JARID2: variants seen among roughly 807,000 people sequenced by gnomAD.
JARID2 encodes protein Jumonji.
In JARID2, 21 loss-of-function variants were observed where a neutral mutation model predicts 125.6. The observed-to-expected ratio is 0.17, with a 90% confidence interval of 0.12 to 0.24. JARID2 has a LOEUF of 0.24. Among genes scored for constraint, JARID2 ranks in the 10% least tolerant of loss-of-function variants. The pLI is 1.00. For synonymous variants in JARID2, 736 were observed against 661.6 expected (o/e 1.11, Z -1.73); for missense variants, 1,303 against 1,639.6 (o/e 0.79, Z 3.55).
At chr6:15,360,645 A>C (rs915727997) in intron 1 of JARID2, among the ~76,000 whole-genome samples, 3 of 151,980 alleles carry the variant, frequency 2.0e-5, no homozygotes, top group Non-Finnish European at 4.4e-5. Flanking sequence ...CGTCATGCCT[A>C]ATTTTAAGTT....
chr6:15,443,422 G>C (rs1767530565), intron 3 of JARID2, among the ~76,000 whole-genome samples: 1 of 152,130 alleles, frequency 6.6e-6, no homozygotes, highest in Admixed American at 6.5e-5. Flanking sequence ...GGGAGTAGGG[G>C]AGTGGATTTT....
chr6:15,485,572 A>G (rs1355200201), intron 5 of JARID2, among the ~76,000 whole-genome samples: 1 of 152,224 alleles, frequency 6.6e-6, no homozygotes, highest in African/African-American at 2.4e-5. Flanking sequence ...TGGGTGTGGT[A>G]ATTAGCTTGA....
intron 3 of JARID2, among the ~76,000 whole-genome samples, chr6:15,438,099 G>A (rs1393483459): frequency 6.6e-6 from 1 of 152,146 alleles, no homozygotes; most frequent in Non-Finnish European, 1.5e-5. Context: ...TTGTGGGGTG[G>A]TGGGATGGGG....
chr6:15,409,941 C>G (rs559021216), intron 2 of JARID2, among the ~76,000 whole-genome samples: 2 of 152,328 alleles, frequency 1.3e-5, no homozygotes, highest in East Asian at 3.9e-4. Context: ...TGTTTATGTA[C>G]TCTTTAAAAA....
intron 1 of JARID2, among the ~76,000 whole-genome samples, chr6:15,353,595 G>A (rs1007244987): frequency 6.6e-6 from 1 of 152,054 alleles, no homozygotes; most frequent in Non-Finnish European, 1.5e-5. Flanking sequence ...TAAGCTGCTG[G>A]CTCAGAAGTT....
Position 15,374,270 on chromosome 6 carries a change from A to C in JARID2, c.181+18A>C, listed in dbSNP as rs372654556. On this transcript the variant is annotated intron_variant, in intron 2 of 17. Transcript: ENST00000341776. ...TGTGAATGGTGAGTTGACTCTTGGA[A>C]TATCTCATTGGAATGTACAATATCT... 10 of 1,612,756 alleles carry C rather than the reference A, an allele frequency of 6.2e-6. No homozygotes were observed. The highest frequency in any genetic ancestry group is 1.3e-5 in the African/African-American group (1 of 74,880).
chr6:15,390,426 G>A (rs1764956046), intron 2 of JARID2, among the ~76,000 whole-genome samples: 2 of 152,274 alleles, frequency 1.3e-5, no homozygotes, highest in South Asian at 4.1e-4. Context: ...TCCACGTTGT[G>A]CAGCCCATGC....
chr6:15,289,891 C>G (rs1761142848), intron 1 of JARID2, among the ~76,000 whole-genome samples: 1 of 152,110 alleles, frequency 6.6e-6, no homozygotes, highest in South Asian at 2.1e-4. Flanking sequence ...ACAAGAAGCA[C>G]TGTGTATTGC....
intron 1 of JARID2, among the ~76,000 whole-genome samples, chr6:15,276,062 T>G (rs1760490104): frequency 6.6e-6 from 1 of 152,212 alleles, no homozygotes. Context: ...GAAGGGAAAT[T>G]GCTTTGCATT....
chr6:15,367,511 G>T (rs918938267), intron 1 of JARID2, among the ~76,000 whole-genome samples: 2 of 152,138 alleles, frequency 1.3e-5, no homozygotes, highest in Admixed American at 1.3e-4. Context: ...CTAGGAGTCA[G>T]TGTGAGTTAC....
chr6:15,359,842 A>G lies in JARID2; in HGVS notation c.46-14275A>G, dbSNP rs1021709476. On this transcript the variant is annotated intron_variant, in intron 1 of 17. Coordinates refer to ENST00000341776, the MANE Select transcript of JARID2 (RefSeq NM_004973.4). The stretch of plus-strand genomic sequence containing the variant: ...GCTGGGACCACAGGCACCCGCCACC[A>G]TGCCTTGCTAATTTTTGTGTTCTTA... Among the ~76,000 whole-genome samples the G allele has an allele frequency of 3.3e-5, 5 of 151,900 alleles. No homozygotes were observed. The East Asian group carries it at 7.7e-4, about 23-fold the overall frequency.
At chr6:15,387,257 A>G (rs934764550) in intron 2 of JARID2, among the ~76,000 whole-genome samples, 3 of 152,124 alleles carry the variant, frequency 2.0e-5, no homozygotes, top group Non-Finnish European at 4.4e-5. Context: ...CTGTGGTGGG[A>G]TAGGATTGCT....
intron 1 of JARID2, among the ~76,000 whole-genome samples, chr6:15,348,165 C>G (rs768062951): frequency 6.6e-6 from 1 of 150,928 alleles, no homozygotes; most frequent in Non-Finnish European, 1.5e-5. Flanking sequence ...GATCTCGGCT[C>G]ACTGCAATGT....
At chr6:15,302,379 C>T (rs138851117) in intron 1 of JARID2, among the ~76,000 whole-genome samples, 6,115 of 151,860 alleles carry the variant, frequency 0.04, 173 homozygotes, top group South Asian at 0.11. Context: ...TGCGCCACTG[C>T]ACTCCATCCT....
At chr6:15,432,135 GTACACTC>G (rs1169356715) in intron 3 of JARID2, among the ~76,000 whole-genome samples, 3 of 151,768 alleles carry the variant, frequency 2.0e-5, no homozygotes, top group Admixed American at 6.6e-5. Flanking sequence ...TGAAACGAAA[GTACACTC>G]TACAGGCCGG....
At chr6:15,332,875 C>G (rs145369678) in intron 1 of JARID2, among the ~76,000 whole-genome samples, 7 of 150,352 alleles carry the variant, frequency 4.7e-5, no homozygotes, top group East Asian at 3.9e-4. Flanking sequence ...AAAAGAATAA[C>G]AGCTTTATAG....
In JARID2 at chr6:15,386,831, T is replaced by G. The variant is rs544118112; in HGVS notation, c.181+12579T>G. ...CCAGAAGTGGCTTATGTAGGCACAG[T>G]GTTGGAATAAGAACCCTGCGATTGG... On this transcript the variant is annotated intron_variant, in intron 2 of 17. Transcript: ENST00000341776. Among the ~76,000 whole-genome samples, 41 of 152,358 alleles carry G rather than the reference T, an allele frequency of 2.7e-4. No homozygotes were observed. The South Asian group carries it at 5.6e-3, about 21-fold the overall frequency.
chr6:15,464,888 A>G (rs2237137), intron 4 of JARID2, among the ~76,000 whole-genome samples: 99,724 of 152,034 alleles, frequency 0.66, 32,932 homozygotes, highest in East Asian at 0.81. Flanking sequence ...GTGTCCCCAT[A>G]TGTAGAAGAA....
intron 4 of JARID2, among the ~76,000 whole-genome samples, chr6:15,459,382 G>T (rs1209020667): frequency 6.6e-6 from 1 of 152,166 alleles, no homozygotes; most frequent in Non-Finnish European, 1.5e-5. Flanking sequence ...TGTAAATGCT[G>T]TGTAAATTTG....
Sources: gnomAD v4.1 joint callset for allele counts (sites outside exome capture counted in the v4.1 genomes callset) on GRCh38, gnomAD v4.1.1 for gene constraint, MANE v1.5 for transcripts, NCBI Gene and HGNC (gene_info 2026-07-23, HGNC 2026-07-21) for gene names.